LRRC17: variants seen among roughly 807,000 people sequenced by gnomAD.
The protein encoded by LRRC17 is leucine-rich repeat-containing protein 17.
A neutral mutation model predicts 41.5 loss-of-function variants in LRRC17; 33 were observed. That is an observed-to-expected ratio of 0.80 (90% CI 0.60 to 1.06). LRRC17 has a LOEUF of 1.06. Among genes scored for constraint, LRRC17 ranks in the 50% least tolerant of loss-of-function variants. LRRC17 has a pLI of 0.00. For synonymous variants in LRRC17, 192 were observed against 197.0 expected, an observed-to-expected ratio of 0.97 and a Z score of 0.21; for missense variants, 491 against 519.3, an observed-to-expected ratio of 0.95 and a Z score of 0.53.
chr7:102,939,840 T>C (rs1266353729), intron 3 of LRRC17, among the ~76,000 whole-genome samples: 2 of 152,194 alleles, frequency 1.3e-5, no homozygotes, highest in African/African-American at 4.8e-5. Context: ...TAGTGTGTTA[T>C]AGATTTTTAA....
chr7:102,938,252 C>T (rs1820712905), intron 2 of LRRC17, among the ~76,000 whole-genome samples: 1 of 152,192 alleles, frequency 6.6e-6, no homozygotes, highest in Non-Finnish European at 1.5e-5. Flanking sequence ...TATTTTACTT[C>T]TAACATCAGA....
chr7:102,926,997 G>C (rs1047606083), intron 1 of LRRC17, among the ~76,000 whole-genome samples: 1 of 152,232 alleles, frequency 6.6e-6, no homozygotes. Context: ...GGAGTAGGGT[G>C]GGGGAGGATC....
In LRRC17 at chr7:102,913,232, G is replaced by C. The variant is rs779865252; in HGVS notation, c.-141+87G>C. 8 of 1,613,856 alleles carry C rather than the reference G, an allele frequency of 5.0e-6. No homozygotes were observed. In the African/African-American group the frequency reaches 1.1e-4, roughly 22 times the overall value. On this transcript the variant is annotated intron_variant, in intron 1 of 3. Transcript: ENST00000339431. ...TGGAAGTGCCTGAAAAGACAAAAGA[G>C]AGGAAGGAAAGTATTATACTTCCGT...
intron 1 of LRRC17, among the ~76,000 whole-genome samples, chr7:102,919,801 C>G (rs1816638966): frequency 6.6e-6 from 1 of 152,194 alleles, no homozygotes; most frequent in African/African-American, 2.4e-5. Context: ...ATCTGACTCT[C>G]ATGCATCTTT....
rs765280654 is a variant in LRRC17, at chr7:102,926,342, G to A, written c.-140-7432G>A. 6.2e-6 allele frequency: 10 copies of A among 1,613,726 alleles called. No homozygotes were observed. In the African/African-American group the frequency reaches 1.2e-4, roughly 19 times the overall value. On this transcript the variant is annotated intron_variant, in intron 1 of 3. Transcript: ENST00000339431. ...ACAGATTGAGACACAGGACCCCCGGGCAGCCCTCAGAAATGTGTCTCATTG... is the reference window on the plus strand; with the variant it reads ...ACAGATTGAGACACAGGACCCCCGGACAGCCCTCAGAAATGTGTCTCATTG...
At chr7:102,936,328 T>C (rs551581314) in intron 2 of LRRC17, 2 of 152,314 alleles carry the variant, frequency 1.3e-5, no homozygotes, top group African/African-American at 4.8e-5. Context: ...CACAGGTAAG[T>C]AGCAAAGCTA....
chr7:102,938,198 T>C (rs1381424232), intron 2 of LRRC17, among the ~76,000 whole-genome samples: 1 of 152,240 alleles, frequency 6.6e-6, no homozygotes, highest in Non-Finnish European at 1.5e-5. Context: ...TTTAAACTGC[T>C]TTAGCTTCAC....
chr7:102,943,790 C>T (rs1195976142), intron 3 of LRRC17, among the ~76,000 whole-genome samples: 1 of 152,154 alleles, frequency 6.6e-6, no homozygotes, highest in Non-Finnish European at 1.5e-5. Context: ...CCTAACTTTA[C>T]CTGGTAAATG....
Position 102,944,653 on chromosome 7 carries a change from G to T in LRRC17, c.*46G>T. 4 of 1,480,344 alleles carry T rather than the reference G, an allele frequency of 2.7e-6. No individual in the cohort carries two copies. The highest frequency in any genetic ancestry group is 3.6e-6 in the Non-Finnish European group (4 of 1,101,642). The allele number at this position is 1,480,344 out of a possible 1,614,324, so 91.7% of individuals were successfully genotyped here. ...TAATTAGTTTTGTATTTTCTATACTGGTGTTAGAAAACATATGTTTACATT... is the reference window on the plus strand; with the variant it reads ...TAATTAGTTTTGTATTTTCTATACTTGTGTTAGAAAACATATGTTTACATT... On this transcript the variant is annotated 3_prime_UTR_variant, in exon 4 of 4. Transcript: ENST00000339431.
rs562064996 is a variant in LRRC17, at chr7:102,913,019, T to G, written c.-267T>G. 43 of 1,607,098 alleles carry G rather than the reference T, an allele frequency of 2.7e-5. No individual in the cohort carries two copies. The East Asian group carries it at 9.2e-4, about 34-fold the overall frequency. ...CACAGCATTAGTATAACGTGAGGGC[T>G]GAATGCAGCCCATTCTCTGGAGAAC... On this transcript the variant is annotated 5_prime_UTR_variant, in exon 1 of 4. Coordinates refer to ENST00000339431, the MANE Select transcript of LRRC17 (RefSeq NM_001031692.3).
At chr7:102,943,710 T>C (rs1189409227) in intron 3 of LRRC17, among the ~76,000 whole-genome samples, 1 of 152,156 alleles carries the variant, frequency 6.6e-6, no homozygotes, top group Non-Finnish European at 1.5e-5. Flanking sequence ...ACATATACGT[T>C]TTCAGGACAA....
At chr7:102,919,870 AAAG>A (rs1250828223) in intron 1 of LRRC17, among the ~76,000 whole-genome samples, 1 of 152,254 alleles carries the variant, frequency 6.6e-6, no homozygotes, top group Non-Finnish European at 1.5e-5. Context: ...TCAAAAGGCT[AAAG>A]AATAAGTAAG....
chr7:102,924,765 C>T (rs1421215106), intron 1 of LRRC17, among the ~76,000 whole-genome samples: 3 of 151,504 alleles, frequency 2.0e-5, no homozygotes, highest in Non-Finnish European at 4.4e-5. Flanking sequence ...CCTCAGCCTC[C>T]GAGTAGCTGG....
Position 102,933,862 on chromosome 7 carries a change from T to C in LRRC17, c.-52T>C. 2.0e-6 allele frequency: 3 copies of C among 1,494,458 alleles called. No homozygotes were observed. Among genetic ancestry groups the C allele is most frequent in the Non-Finnish European group, 2.7e-6 (3 of 1,117,512 alleles). The allele number at this position is 1,494,458 out of a possible 1,614,324, so 92.6% of individuals were successfully genotyped here. ...CCAGACTTGGATTTCAAAGGAATAC[T>C]TTCATTGTTCCGTCTGTAACACGAA... On this transcript the variant is annotated 5_prime_UTR_variant, in exon 2 of 4. Transcript: ENST00000339431.
rs1819692692 is a variant in LRRC17 at position 102,933,849 on chromosome 7, T to A, written c.-65T>A. ...TAGTTAAGATTACCCAGACTTGGAT[T>A]TCAAAGGAATACTTTCATTGTTCCG... On this transcript the variant is annotated 5_prime_UTR_variant, in exon 2 of 4. Transcript: ENST00000339431. The A allele has an allele frequency of 6.8e-7, 1 of 1,463,568 alleles. No individual in the cohort carries two copies. Among genetic ancestry groups the A allele is most frequent in the African/African-American group, 1.4e-5 (1 of 70,722 alleles). 90.7% of individuals were successfully genotyped at this position (1,463,568 alleles called of 1,614,324 possible).
chr7:102,944,567 C>T lies in LRRC17; in HGVS notation c.1286C>T (p.Thr429Ile). ...DEWEKKHRDHTAKKQSVIITI... is the reference protein window; with the variant it reads ...DEWEKKHRDHIAKKQSVIITI... ...TGGGAAAAAAAACATAGAGATCACA[C>T]CGCAAAGAAGCAAAGCGTAATAATT... Residue 429 changes from threonine (T) to isoleucine (I), a missense_variant, in exon 4 of 4, where the codon ACC becomes ATC. By Grantham distance (89) the Thr-to-Ile change is moderately conservative. Coordinates refer to ENST00000339431, the MANE Select transcript of LRRC17 (RefSeq NM_001031692.3). 6 of 1,611,378 alleles carry T rather than the reference C, an allele frequency of 3.7e-6. No homozygotes were observed. Among genetic ancestry groups the T allele is most frequent in the Non-Finnish European group, 5.1e-6 (6 of 1,179,342 alleles).
At chr7:102,937,625 G>A (rs1165994151) in intron 2 of LRRC17, among the ~76,000 whole-genome samples, 2 of 150,352 alleles carry the variant, frequency 1.3e-5, no homozygotes, top group Non-Finnish European at 3.0e-5. Flanking sequence ...TTCATTTTTT[G>A]TTATATTGCT....
Position 102,933,933 on chromosome 7 carries a change from T to C in LRRC17, c.20T>C (p.Val7Ala), listed in dbSNP as rs1819711490. MRVVTI[V>A]ILLCFCKAAE... ...GTCAGGATGCGTGTGGTTACCATTG[T>C]AATCTTGCTCTGCTTTTGCAAAGCG... The change falls in exon 2 of 4, where the codon GTA becomes GCA. Residue 7 changes from valine (V) to alanine (A), a missense_variant. Physicochemically the swap from Val to Ala is moderately conservative, Grantham distance 64. Transcript: ENST00000339431. The C allele has an allele frequency of 1.9e-6, 3 of 1,609,958 alleles. No homozygotes were observed. The highest frequency in any genetic ancestry group is 1.7e-6 in the Non-Finnish European group (2 of 1,176,944).
At chr7:102,925,660 C>T (rs1255660199) in intron 1 of LRRC17, among the ~76,000 whole-genome samples, 2 of 151,744 alleles carry the variant, frequency 1.3e-5, no homozygotes, top group African/African-American at 2.4e-5. Flanking sequence ...TAAAGAGGTC[C>T]GCTGGGTGTG....
Sources: allele counts gnomAD v4.1 joint callset (sites outside exome capture counted in the v4.1 genomes callset), GRCh38; gene constraint gnomAD v4.1.1; transcripts MANE v1.5; gene names NCBI Gene and HGNC (gene_info 2026-07-23, HGNC 2026-07-21).